Variants in CD177 observed in about 807,000 individuals in gnomAD.
CD177 encodes CD177 antigen.
A neutral mutation model predicts 38.1 loss-of-function variants in CD177; 41 were observed. The ratio of observed to expected loss-of-function variants is 1.07; its 90% CI spans 0.84 to 1.39. CD177 has a LOEUF of 1.39. CD177 is among the 40% of genes most tolerant of loss of function. The probability of loss-of-function intolerance (pLI) is 0.00; values close to 1 mark genes in which losing one functional copy is unlikely to be tolerated. For missense variants in CD177, 619 were observed against 523.8 expected (o/e 1.18, Z -1.77); for synonymous variants, 236 against 216.7 (o/e 1.09, Z -0.78).
downstream of CD177, among the ~76,000 whole-genome samples, chr19:43,364,197 G>T (rs1315847005): frequency 6.6e-6 from 1 of 152,220 alleles, no homozygotes; most frequent in South Asian, 2.1e-4. Flanking sequence ...CATTGTGCTG[G>T]GCACCAGTTC....
At chr19:43,359,988 A>C (rs35961424) in intron 5 of CD177, among the ~76,000 whole-genome samples, 17,382 of 149,944 alleles carry the variant, frequency 0.12, 1,149 homozygotes, top group East Asian at 0.18. Context: ...GGATGAGGAT[A>C]AGGAAGAGCT....
Position 43,360,346 on chromosome 19 carries a change from A to C in CD177, c.701A>C (p.Asn234Thr), listed in dbSNP as rs769218263. The C allele has an allele frequency of 1.2e-6, 2 of 1,612,020 alleles. No homozygotes were observed. The highest frequency in any genetic ancestry group is 1.7e-6 in the Non-Finnish European group (2 of 1,179,120). The part of the protein sequence containing the change: ...AQEPTDWTTS[N>T]TEMCEVGQVC... Reference sequence around the variant, plus strand: ...GAACCCACTGATTGGACCACATCGAATACCGAGATGTGCGAGGTGGGGCAG... The same window carrying C: ...GAACCCACTGATTGGACCACATCGACTACCGAGATGTGCGAGGTGGGGCAG... The change falls in exon 6 of 9, where the codon AAT (asparagine) becomes ACT (threonine). Residue 234 changes from asparagine (N) to threonine (T), a missense_variant. By Grantham distance (65) the Asn-to-Thr change is moderately conservative. Coordinates refer to ENST00000618265, the MANE Select transcript of CD177 (RefSeq NM_020406.4).
chr19:43,355,878 G>C, intron 4 of CD177, 95 bp downstream of exon 4: 4 of 1,553,328 alleles, frequency 2.6e-6, no homozygotes, highest in African/African-American at 1.4e-5. Flanking sequence ...GCTGAGGCAC[G>C]GCATGAGACC....
chr19:43,360,423 G>T lies in CD177; in HGVS notation c.760+18G>T, dbSNP rs776475080. ...AGATGTAGGTACGTGGACTGAGGTA[G>T]AAGACGAACACCTGTCCCAAGTCCC... On this transcript the variant is annotated intron_variant, in intron 6 of 8. Transcript: ENST00000618265. 22 of 1,575,542 alleles carry T rather than the reference G, an allele frequency of 1.4e-5. No homozygotes were observed. Among genetic ancestry groups the T allele is most frequent in the Non-Finnish European group, 1.9e-5 (22 of 1,160,520 alleles).
chr19:43,361,976 G>C (rs1282100364), intron 8 of CD177, 112 bp from the exon 9 acceptor site: 9 of 843,560 alleles, frequency 1.1e-5, no homozygotes, highest in Non-Finnish European at 1.7e-5. Context: ...GCTGGAGCTG[G>C]GGGTCTGGGC....
At chr19:43,355,072 C>G (rs1969904181) in intron 3 of CD177, among the ~76,000 whole-genome samples, 1 of 118,216 alleles carries the variant, frequency 8.5e-6, no homozygotes, top group South Asian at 3.3e-4. Flanking sequence ...CCCACCCCCA[C>G]TTGCCACCCA....
In CD177 at chr19:43,353,930, C is replaced by A; in HGVS notation, c.130C>A (p.Pro44Thr). 1 of 1,613,878 alleles carries A rather than the reference C, an allele frequency of 6.2e-7. No homozygotes were observed. The change falls in exon 2 of 9, where the codon CCT becomes ACT. Residue 44 changes from proline (P) to threonine (T), a missense_variant. Physicochemically the swap from Pro to Thr is conservative, Grantham distance 38. Transcript: ENST00000618265. ...KVSDLPRQWT[P>T]KNTSCDSGLG... The stretch of plus-strand genomic sequence containing the variant: ...GTCCGACCTGCCCCGGCAATGGACC[C>A]CTAAGAACACCAGCTGCGACAGCGG...
At position 43,354,291 on chromosome 19, in the gene CD177, C is replaced by CCGG. The variant is rs753215410; in HGVS notation, c.280_282dup (p.Gly94dup). 1 of 1,613,964 alleles carries CCGG rather than the reference C, an allele frequency of 6.2e-7. No individual in the cohort carries two copies. The highest frequency in any genetic ancestry group is 1.1e-5 in the South Asian group (1 of 91,082). On this transcript the variant is annotated inframe_insertion, in exon 3 of 9. Transcript: ENST00000618265. ...CGCGTCACTGAGCACCGGATGGGCC[C>CCGG]CGGCCTCTCCCTGATCTCCTACACC...
At position 43,360,385 on chromosome 19, in the gene CD177, C is replaced by T. The variant is rs148509022; in HGVS notation, c.740C>T (p.Thr247Met). The change falls in exon 6 of 9, where the codon ACG (threonine) becomes ATG (methionine). Residue 247 changes from threonine (T) to methionine (M), a missense_variant. Physicochemically the swap from Thr to Met is moderately conservative, Grantham distance 81. Coordinates refer to ENST00000618265, the MANE Select transcript of CD177 (RefSeq NM_020406.4). Reference sequence around the variant, plus strand: ...GAGGTGGGGCAGGTGTGTCAGGAGACGCTGCTGCTCCTAGATGTAGGTACG... The same window carrying T: ...GAGGTGGGGCAGGTGTGTCAGGAGATGCTGCTGCTCCTAGATGTAGGTACG... ...MCEVGQVCQE[T>M]LLLLDVGLTS... The T allele has an allele frequency of 7.7e-4, 1,237 of 1,604,352 alleles. 7 individuals carry two copies. The East Asian group carries it at 0.021, about 27-fold the overall frequency.
At chr19:43,355,900 G>A in intron 4 of CD177, 92 bp from the exon 5 acceptor site, 1 of 1,431,156 alleles carries the variant, frequency 7.0e-7, no homozygotes, top group South Asian at 1.2e-5. Flanking sequence ...AGAGGAGGGT[G>A]GGCCTGGCTT....
Position 43,356,126 on chromosome 19 carries a change from G to C in CD177, c.619+18G>C, listed in dbSNP as rs953316122. The stretch of plus-strand genomic sequence containing the variant: ...TATGAAAGGTGAGTCCTGCCCCTAG[G>C]CTGTGCCCTGGACTGCAGCCTCGGG... On this transcript the variant is annotated intron_variant, in intron 5 of 8. Coordinates refer to ENST00000618265, the MANE Select transcript of CD177 (RefSeq NM_020406.4). The C allele has an allele frequency of 1.7e-5, 9 of 541,632 alleles. No homozygotes were observed. The highest frequency in any genetic ancestry group is 5.9e-5 in the African/African-American group (2 of 33,726). The allele number at this position is 541,632 out of a possible 1,614,324, so 33.6% of individuals were successfully genotyped here. A position where few individuals can be genotyped will look rare whatever the true frequency, so the allele number is the denominator to read the frequency against.
downstream of CD177, among the ~76,000 whole-genome samples, chr19:43,365,731 C>T (rs1308580267): frequency 1.3e-5 from 2 of 150,318 alleles, no homozygotes; most frequent in African/African-American, 2.5e-5. Context: ...ACCGTGAGGA[C>T]CCATCCATAA....
Position 43,354,657 on chromosome 19 carries a change from G to T in CD177, c.379+265G>T. 3 of 591,250 alleles carry T rather than the reference G, an allele frequency of 5.1e-6. No homozygotes were observed. The South Asian group carries it at 6.1e-5, about 12-fold the overall frequency. 36.6% of individuals were successfully genotyped at this position (591,250 alleles called of 1,614,324 possible). On this transcript the variant is annotated intron_variant, in intron 3 of 8. Transcript: ENST00000618265. Reference sequence around the variant, plus strand: ...CTAAGAGCAAACAGGACGGATTTCTGATATGAAATCACCATTAACTGGGTT... The same window carrying T: ...CTAAGAGCAAACAGGACGGATTTCTTATATGAAATCACCATTAACTGGGTT...
chr19:43,362,024 C>T lies in CD177; in HGVS notation c.1082-64C>T, dbSNP rs114252569. The T allele has an allele frequency of 5.6e-3, 7,979 of 1,436,800 alleles. 214 individuals are homozygous for T. The African/African-American group carries it at 0.068, about 12-fold the overall frequency. The allele number at this position is 1,436,800 out of a possible 1,614,324, so 89.0% of individuals were successfully genotyped here. A position where few individuals can be genotyped will look rare whatever the true frequency, so the allele number is the denominator to read the frequency against. On this transcript the variant is annotated intron_variant, in intron 8 of 8. Transcript: ENST00000618265. ...GGGAGGAGGGTCTGGGGCCTGGACT[C>T]CTGGGTTTACAACTTGGCTGGGCTG...
chr19:43,354,538 CAT>C (rs1190912306), intron 3 of CD177, 146 bp downstream of exon 3: 38 of 783,698 alleles, frequency 4.8e-5, no homozygotes, highest in Admixed American at 3.5e-4. Context: ...GCTCCCTGAC[CAT>C]CGCCCCGCCC....
At chr19:43,361,038 C>T (rs1969954654) in intron 6 of CD177, 105 bp from the exon 7 acceptor site, 3 of 628,256 alleles carry the variant, frequency 4.8e-6, no homozygotes, top group Admixed American at 2.9e-5. Flanking sequence ...AGGGCATTCA[C>T]CCTCTGCCTG....
chr19:43,355,596 AGAAGGTATCT>A (rs755756483), intron 3 of CD177, 55 bp from the exon 4 acceptor site: 1 of 1,603,126 alleles, frequency 6.2e-7, no homozygotes, highest in East Asian at 2.2e-5. Flanking sequence ...TGGGGTGCAG[AGAAGGTATCT>A]GATCAAATCC....
intron 5 of CD177, 60 bp from the exon 6 acceptor site, chr19:43,360,205 G>T: frequency 6.3e-7 from 1 of 1,582,274 alleles, no homozygotes; most frequent in South Asian, 1.2e-5. Flanking sequence ...AGCCCAGGAC[G>T]TGGAGGGACA....
rs368350368 is a variant in CD177 at position 43,356,097 on chromosome 19, G to T, written c.608G>T (p.Cys203Phe). 2.8e-3 allele frequency: 1,682 copies of T among 610,050 alleles called. 24 individuals carry two copies. In the African/African-American group the frequency reaches 0.036, roughly 13 times the overall value. The allele number at this position is 610,050 out of a possible 1,614,324, so 37.8% of individuals were successfully genotyped here. A position where few individuals can be genotyped will look rare whatever the true frequency, so the allele number is the denominator to read the frequency against. ...EIGPVGMTEN[C>F]DMKDFLTCHR... ...GGGCCCGTGGGTATGACTGAGAACT[G>T]CGATATGAAAGGTGAGTCCTGCCCC... is the stretch of plus-strand genomic sequence containing the variant. Residue 203 changes from cysteine to phenylalanine, a missense_variant, in exon 5 of 9, where the codon TGC becomes TTC. By Grantham distance (205) the Cys-to-Phe change is radical. Transcript: ENST00000618265.
Sources: gnomAD v4.1 joint callset for allele counts (sites outside exome capture counted in the v4.1 genomes callset) on GRCh38, gnomAD v4.1.1 for gene constraint, MANE v1.5 for transcripts, NCBI Gene and HGNC (gene_info 2026-07-23, HGNC 2026-07-21) for gene names.